APPBP2: variants seen among roughly 807,000 people sequenced by gnomAD.
APPBP2 encodes amyloid beta precursor protein binding protein 2, also known as amyloid protein-binding protein 2.
APPBP2 carries 15 observed loss-of-function variants against 76.0 expected under a neutral mutation model. The ratio of observed to expected loss-of-function variants is 0.20; its 90% CI spans 0.13 to 0.30. APPBP2 has a LOEUF of 0.30. APPBP2 is among the 10% of genes least tolerant of loss of function. The pLI, the probability that APPBP2 is intolerant of heterozygous loss-of-function variation, is 1.00. For missense variants in APPBP2, 401 were observed against 687.2 expected (o/e 0.58, Z 4.66); for synonymous variants, 222 against 242.2 (o/e 0.92, Z 0.77).
At chr17:60,524,034 C>A (rs1038747928) in intron 1 of APPBP2, among the ~76,000 whole-genome samples, 1 of 152,198 alleles carries the variant, frequency 6.6e-6, no homozygotes, top group Non-Finnish European at 1.5e-5. Context: ...CAGTGCCATA[C>A]TCCCAATAAG....
At chr17:60,492,840 A>G (rs937958029) in intron 3 of APPBP2, among the ~76,000 whole-genome samples, 14 of 152,124 alleles carry the variant, frequency 9.2e-5, no homozygotes, top group African/African-American at 3.1e-4. Context: ...ACTTTGGAGG[A>G]CTGTTGCGAA....
intron 2 of APPBP2, among the ~76,000 whole-genome samples, chr17:60,496,593 G>A (rs960024989): frequency 6.6e-6 from 1 of 152,090 alleles, no homozygotes; most frequent in Non-Finnish European, 1.5e-5. Context: ...AAAATGAGAA[G>A]TTCTTATTTA....
intron 7 of APPBP2, 38 bp from the exon 8 acceptor site, chr17:60,461,953 A>G: frequency 1.2e-6 from 2 of 1,607,688 alleles, no homozygotes; most frequent in Non-Finnish European, 1.7e-6. Context: ...TATAAAGTAT[A>G]GAGACAATTT....
chr17:60,478,420 T>C lies in APPBP2; in HGVS notation c.503+728A>G, dbSNP rs757762483. ...TAAATGTATACTCAAAGAAAAGTTATTCATAAGTAAAGCACTAATCTTGTT... is the reference window on the plus strand; with the variant it reads ...TAAATGTATACTCAAAGAAAAGTTACTCATAAGTAAAGCACTAATCTTGTT... On this transcript the variant is annotated intron_variant, in intron 4 of 12. Coordinates refer to ENST00000083182, the MANE Select transcript of APPBP2 (RefSeq NM_006380.5). 4.4e-4 allele frequency among the ~76,000 whole-genome samples: 67 copies of C among 152,288 alleles called. 1 individual carries two copies. Among genetic ancestry groups the C allele is most frequent in the Admixed American group, 3.9e-4 (6 of 15,290 alleles).
At chr17:60,483,110 G>T (rs1042497050) in intron 3 of APPBP2, among the ~76,000 whole-genome samples, 1 of 152,090 alleles carries the variant, frequency 6.6e-6, no homozygotes, top group Non-Finnish European at 1.5e-5. Flanking sequence ...ATTTTTTAAT[G>T]ATCACCATTC....
rs1236136943 is a variant in APPBP2, at chr17:60,443,908, AT to A, written c.*3672del. The A allele has an allele frequency of 6.6e-6, 1 of 152,588 alleles. No individual in the cohort carries two copies. The highest frequency in any genetic ancestry group is 2.4e-5 in the African/African-American group (1 of 41,422). 9.5% of individuals were successfully genotyped at this position (152,588 alleles called of 1,614,324 possible). ...GTTTTCTGCCTAAAACATTCCTGAG[AT>A]TTATGGACAAAAGAAGTACTGTTGA... On this transcript the variant is annotated 3_prime_UTR_variant, in exon 13 of 13. Transcript: ENST00000083182.
chr17:60,496,670 C>A (rs1428239650), intron 2 of APPBP2, among the ~76,000 whole-genome samples: 1 of 152,148 alleles, frequency 6.6e-6, no homozygotes, highest in Non-Finnish European at 1.5e-5. Flanking sequence ...TCTTAGCACA[C>A]AGGCCACATT....
At chr17:60,512,999 G>A (rs79856973) in intron 1 of APPBP2, among the ~76,000 whole-genome samples, 11,786 of 147,830 alleles carry the variant, frequency 0.08, 1,637 homozygotes, top group African/African-American at 0.28. Context: ...TATTCAAAAG[G>A]GAACGCTACA....
chr17:60,504,102 G>T (rs773381191), intron 1 of APPBP2, among the ~76,000 whole-genome samples: 30 of 152,018 alleles, frequency 2.0e-4, no homozygotes, highest in Non-Finnish European at 4.0e-4. Context: ...GATACTTTTT[G>T]TTCCAGTAAT....
At chr17:60,447,859 A>G (rs758984603) in intron 12 of APPBP2, 25 bp from the exon 13 acceptor site, 20 of 1,551,278 alleles carry the variant, frequency 1.3e-5, no homozygotes, top group Non-Finnish European at 1.7e-5. Flanking sequence ...AAAAAGGAAA[A>G]AAAAAAAAGC....
chr17:60,447,867 AGC>A, intron 12 of APPBP2, 33 bp from the exon 13 acceptor site: 2 of 1,526,176 alleles, frequency 1.3e-6, no homozygotes, highest in Non-Finnish European at 1.8e-6. Context: ...AAAAAAAAAA[AGC>A]ACAAATAATG....
chr17:60,456,520 T>G (rs751547134), intron 9 of APPBP2, 139 bp from the exon 10 acceptor site: 12 of 630,006 alleles, frequency 1.9e-5, no homozygotes, highest in Non-Finnish European at 2.5e-5. Flanking sequence ...GCTTTTTGTT[T>G]TAAATTTCCA....
At chr17:60,508,329 T>C (rs1598372505) in intron 1 of APPBP2, among the ~76,000 whole-genome samples, 1 of 152,150 alleles carries the variant, frequency 6.6e-6, no homozygotes, top group African/African-American at 2.4e-5. Context: ...ATATGGCACA[T>C]AGCACTGACA....
At position 60,464,034 on chromosome 17, in the gene APPBP2, C is replaced by T; in HGVS notation, c.749G>A (p.Arg250Lys). 2 of 1,608,264 alleles carry T rather than the reference C, an allele frequency of 1.2e-6. No individual in the cohort carries two copies. The highest frequency in any genetic ancestry group is 1.7e-6 in the Non-Finnish European group (2 of 1,176,480). Residue 250 changes from arginine to lysine, a missense_variant, in exon 6 of 13, where the codon AGA becomes AAA. By Grantham distance (26) the Arg-to-Lys change is conservative. Transcript: ENST00000083182. Reference protein sequence around the residue: ...LPVKVVVDVLRQASKACVVKR... With the variant: ...LPVKVVVDVLKQASKACVVKR... ...CATTATATTTACCTTAGAAGCTTGT[C>T]TTAAGACATCCACCACAACTTTCAC...
intron 10 of APPBP2, among the ~76,000 whole-genome samples, chr17:60,455,795 T>C (rs967104760): frequency 6.6e-6 from 1 of 152,158 alleles, no homozygotes; most frequent in African/African-American, 2.4e-5. Flanking sequence ...TTTTTTTTCT[T>C]GAGACAGAGT....
rs193051945 is a variant in APPBP2 at position 60,484,993 on chromosome 17, T to C, written c.380-5722A>G. 3.9e-5 allele frequency among the ~76,000 whole-genome samples: 6 copies of C among 152,358 alleles called. No homozygotes were observed. In the East Asian group the frequency reaches 1.2e-3, roughly 29 times the overall value. On this transcript the variant is annotated intron_variant, in intron 3 of 12. Transcript: ENST00000083182. ...TGGTTTTTGTCTTTGGTTCTGTTTA[T>C]GTTATGGATTACGTTTATTGATTTG...
At chr17:60,500,298 C>A (rs1202471399) in intron 2 of APPBP2, 101 bp downstream of exon 2, 2 of 807,616 alleles carry the variant, frequency 2.5e-6, no homozygotes, top group Admixed American at 5.5e-5. Flanking sequence ...TAAGCCACAG[C>A]ACCCAGCCCA....
At position 60,487,712 on chromosome 17, in the gene APPBP2, A is replaced by C. The variant is rs2090691971; in HGVS notation, c.379+6754T>G. 2.0e-5 allele frequency among the ~76,000 whole-genome samples: 3 copies of C among 152,222 alleles called. No individual in the cohort carries two copies. The South Asian group carries it at 6.2e-4, about 32-fold the overall frequency. The stretch of plus-strand genomic sequence containing the variant: ...CTACTTCTGTCAACTTGTCAAAGTC[A>C]TTCTCCATCTGGCTTTGTTCCATTG... On this transcript the variant is annotated intron_variant, in intron 3 of 12. Transcript: ENST00000083182.
In APPBP2 at chr17:60,471,870, A is replaced by G. The variant is rs565974544; in HGVS notation, c.504-5411T>C. 1.3e-4 allele frequency among the ~76,000 whole-genome samples: 20 copies of G among 152,308 alleles called. No homozygotes were observed. In the South Asian group the frequency reaches 4.1e-3, roughly 32 times the overall value. ...GCTGGGCGCAGTGGCTCATGCCTGTAATCCTAGAACTTTGGGAGGCCAAGG... is the reference window on the plus strand; with the variant it reads ...GCTGGGCGCAGTGGCTCATGCCTGTGATCCTAGAACTTTGGGAGGCCAAGG... On this transcript the variant is annotated intron_variant, in intron 4 of 12. Coordinates refer to ENST00000083182, the MANE Select transcript of APPBP2 (RefSeq NM_006380.5).
Sources: allele counts gnomAD v4.1 joint callset (sites outside exome capture counted in the v4.1 genomes callset), GRCh38; gene constraint gnomAD v4.1.1; transcripts MANE v1.5; gene names NCBI Gene and HGNC (gene_info 2026-07-23, HGNC 2026-07-21).